The following SH3KBP1 variants were observed in gnomAD, a reference collection of about 807,000 sequenced individuals.
SH3KBP1 encodes SH3 domain-containing kinase-binding protein 1.
A neutral mutation model predicts 50.1 loss-of-function variants in SH3KBP1; 8 were observed. The ratio of observed to expected loss-of-function variants is 0.16; its 90% CI spans 0.09 to 0.29. SH3KBP1 has a LOEUF of 0.29. SH3KBP1 is among the 10% of genes least tolerant of loss of function. SH3KBP1 has a pLI of 1.00. For synonymous variants in SH3KBP1, 227 were observed against 218.6 expected, an observed-to-expected ratio of 1.04 and a Z score of -0.34; for missense variants, 377 against 535.2, an observed-to-expected ratio of 0.70 and a Z score of 2.92.
chrX:19,772,619 C>T (rs1319530182), intron 2 of SH3KBP1, among the ~76,000 whole-genome samples: 3 of 111,174 alleles, frequency 2.7e-5, no homozygotes, highest in Non-Finnish European at 5.7e-5. Context: ...AAAATCATTC[C>T]CAGGGAGAAG....
chrX:19,599,009 A>T lies in SH3KBP1; in HGVS notation c.1006-4009T>A, dbSNP rs1339606069. 1.1e-4 allele frequency among the ~76,000 whole-genome samples: 12 copies of T among 112,042 alleles called. No individual in the cohort carries two copies. In the Admixed American group the frequency reaches 1.1e-3, roughly 11 times the overall value. On this transcript the variant is annotated intron_variant, in intron 9 of 17. Transcript: ENST00000397821. ...ATTTGTAAAAAACGCAATATCTGAAACACAATGAAGGAATGCACAGAAGAA... is the reference window on the plus strand; with the variant it reads ...ATTTGTAAAAAACGCAATATCTGAATCACAATGAAGGAATGCACAGAAGAA...
In SH3KBP1 at chrX:19,549,293, C is replaced by T. The variant is rs184716065; in HGVS notation, c.1494+681G>A. 2.8e-3 allele frequency among the ~76,000 whole-genome samples: 315 copies of T among 111,839 alleles called. 3 individuals carry two copies. The highest frequency in any genetic ancestry group is 9.8e-3 in the African/African-American group (302 of 30,822). ...CTAAGGCTGTATAACAAAAAGTTAA[C>T]GGTTCTTTGCACTGGGGAGCAGGAT... is the stretch of plus-strand genomic sequence containing the variant. On this transcript the variant is annotated intron_variant, in intron 14 of 17. Coordinates refer to ENST00000397821, the MANE Select transcript of SH3KBP1 (RefSeq NM_031892.3).
intron 6 of SH3KBP1, chrX:19,670,479 G>A (rs1291246664): frequency 2.3e-6 from 1 of 429,396 alleles, no homozygotes; most frequent in African/African-American, 2.7e-5. Flanking sequence ...ACATCTCTGT[G>A]ACATGGTGTA....
At chrX:19,705,161 T>C (rs748716391) in intron 4 of SH3KBP1, among the ~76,000 whole-genome samples, 1 of 112,469 alleles carries the variant, frequency 8.9e-6, no homozygotes, top group South Asian at 3.6e-4. Flanking sequence ...AGTGGAACAT[T>C]TTCTTGTGGT....
At chrX:19,537,145 TTTTCGCAGAGATG>T (rs2064733510) in intron 17 of SH3KBP1, among the ~76,000 whole-genome samples, 1 of 110,890 alleles carries the variant, frequency 9.0e-6, no homozygotes, top group Non-Finnish European at 1.9e-5. Context: ...GGAGAGGGGC[TTTTCGCAGAGATG>T]TTTAAGATAA....
intron 2 of SH3KBP1, among the ~76,000 whole-genome samples, chrX:19,766,779 C>A (rs1480931554): frequency 9.0e-6 from 1 of 110,673 alleles, no homozygotes; most frequent in Non-Finnish European, 1.9e-5. Flanking sequence ...GCATGAGCCA[C>A]CACGCCTGGT....
At chrX:19,612,192 T>C (rs969442866) in intron 8 of SH3KBP1, among the ~76,000 whole-genome samples, 1 of 111,608 alleles carries the variant, frequency 9.0e-6, no homozygotes, top group African/African-American at 3.3e-5. Context: ...AACTAGTCTT[T>C]TGATGGCAGA....
At chrX:19,787,826 G>C (rs139742718) in intron 2 of SH3KBP1, among the ~76,000 whole-genome samples, 51 of 111,696 alleles carry the variant, frequency 4.6e-4, no homozygotes, top group African/African-American at 1.6e-3. Flanking sequence ...TCCAGCAGGT[G>C]ACTTCTTCGC....
intron 5 of SH3KBP1, among the ~76,000 whole-genome samples, chrX:19,689,228 C>A (rs2063231092): frequency 8.9e-6 from 1 of 111,794 alleles, no homozygotes; most frequent in Non-Finnish European, 1.9e-5. Context: ...ACTTTGATGA[C>A]AAAAGTGCAG....
chrX:19,682,710 T>A (rs1477072481), intron 6 of SH3KBP1, among the ~76,000 whole-genome samples: 1 of 110,322 alleles, frequency 9.1e-6, no homozygotes, highest in African/African-American at 3.3e-5. Context: ...AAACGGTTTT[T>A]AATTTCTAGG....
chrX:19,722,557 C>T lies in SH3KBP1; in HGVS notation c.287-15573G>A, dbSNP rs867707630. 8.6e-3 allele frequency among the ~76,000 whole-genome samples: 799 copies of T among 93,422 alleles called. 21 individuals are homozygous for T. Among genetic ancestry groups the T allele is most frequent in the African/African-American group, 0.03 (752 of 24,959 alleles). The allele number at this position is 93,422 out of a possible 115,157, so 81.1% of individuals were successfully genotyped here. On this transcript the variant is annotated intron_variant, in intron 3 of 17. Transcript: ENST00000397821. ...GTGTGTGTGTGTGTGTGTGTGTGTGCGCGTGCGCACTGGTGTGTGTGTGTG... is the reference window on the plus strand; with the variant it reads ...GTGTGTGTGTGTGTGTGTGTGTGTGTGCGTGCGCACTGGTGTGTGTGTGTG...
chrX:19,705,736 A>T (rs750456296), intron 4 of SH3KBP1, among the ~76,000 whole-genome samples: 143 of 111,431 alleles, frequency 1.3e-3, no homozygotes, highest in Non-Finnish European at 2.3e-3. Context: ...AACTGGTGAA[A>T]ACTGAGAGCA....
chrX:19,758,327 CAAAAAAA>C (rs60332447), intron 2 of SH3KBP1, among the ~76,000 whole-genome samples: 228 of 37,644 alleles, frequency 6.1e-3, no homozygotes, highest in South Asian at 0.019. Context: ...GACTTCGTTT[CAAAAAAA>C]AAAAAAAAAA....
At chrX:19,589,036 C>T (rs768066723) in intron 11 of SH3KBP1, among the ~76,000 whole-genome samples, 4 of 111,880 alleles carry the variant, frequency 3.6e-5, no homozygotes, top group Non-Finnish European at 7.5e-5. Context: ...CCTGAAGCGC[C>T]CTTCTGGCCA....
At chrX:19,830,587 T>C (rs1051629889) in intron 2 of SH3KBP1, among the ~76,000 whole-genome samples, 8 of 108,886 alleles carry the variant, frequency 7.3e-5, no homozygotes, top group Non-Finnish European at 1.3e-4. Flanking sequence ...TGAGACCCTG[T>C]CTCTACATAA....
intron 1 of SH3KBP1, among the ~76,000 whole-genome samples, chrX:19,843,271 C>T (rs1303913091): frequency 4.6e-5 from 5 of 109,834 alleles, no homozygotes; most frequent in Non-Finnish European, 7.6e-5. Flanking sequence ...CTACCCACCT[C>T]GGCCTCCCAA....
At chrX:19,691,716 T>C (rs947938449) in intron 5 of SH3KBP1, among the ~76,000 whole-genome samples, 8 of 111,290 alleles carry the variant, frequency 7.2e-5, no homozygotes, top group African/African-American at 2.6e-4. Context: ...CTCAAATGAA[T>C]TGCAATAAAG....
chrX:19,587,210 G>A (rs1156924672), intron 12 of SH3KBP1, among the ~76,000 whole-genome samples: 3 of 90,260 alleles, frequency 3.3e-5, no homozygotes, highest in African/African-American at 4.4e-5. Flanking sequence ...CAACAAGAGC[G>A]AAACTCTGCC....
At chrX:19,743,202 G>A (rs992292495) in intron 3 of SH3KBP1, among the ~76,000 whole-genome samples, 4 of 111,497 alleles carry the variant, frequency 3.6e-5, no homozygotes, top group East Asian at 5.6e-4. Flanking sequence ...GAGCCCAGGC[G>A]TTCAAGACTA....
Sources: allele counts gnomAD v4.1 joint callset (sites outside exome capture counted in the v4.1 genomes callset), GRCh38; gene constraint gnomAD v4.1.1; transcripts MANE v1.5; gene names NCBI Gene and HGNC (gene_info 2026-07-23, HGNC 2026-07-21).